PPM1A: variants seen among roughly 807,000 people sequenced by gnomAD.
PPM1A encodes the protein protein phosphatase, Mg2+/Mn2+ dependent 1A, also known as protein phosphatase 1A.
In PPM1A, 7 loss-of-function variants were observed where a neutral mutation model predicts 35.0. That is an observed-to-expected ratio of 0.20 (90% CI 0.11 to 0.38). PPM1A has a LOEUF of 0.38. PPM1A is among the 10% of genes least tolerant of loss of function. PPM1A has a pLI of 1.00. For missense variants in PPM1A, 239 were observed against 467.8 expected (o/e 0.51, Z 4.51); for synonymous variants, 153 against 167.3 (o/e 0.91, Z 0.66).
chr14:60,247,866 G>A (rs1212636744), upstream of PPM1A, among the ~76,000 whole-genome samples: 1 of 152,066 alleles, frequency 6.6e-6, no homozygotes, highest in Non-Finnish European at 1.5e-5. Flanking sequence ...AAAATAGAGA[G>A]GCCTTCAACA....
rs891877606 is a variant in PPM1A at position 60,293,424 on chromosome 14, G to A, written c.*942G>A. 4 of 151,924 alleles carry A rather than the reference G, an allele frequency of 2.6e-5. No individual in the cohort carries two copies. Among genetic ancestry groups the A allele is most frequent in the African/African-American group, 7.2e-5 (3 of 41,390 alleles). 9.4% of individuals were successfully genotyped at this position (151,924 alleles called of 1,614,324 possible). On this transcript the variant is annotated 3_prime_UTR_variant, in exon 6 of 6. Coordinates refer to ENST00000395076, the MANE Select transcript of PPM1A (RefSeq NM_021003.5). This position sits in a 1 kb window ranked among gnomAD's most constrained non-coding sequence, Gnocchi z 4.0. ...AAACACTGTGCCGTTGTAATGAGAC[G>A]TTTCTCATAGGGAAAGATGTTAGTC... is the stretch of plus-strand genomic sequence containing the variant.
chr14:60,259,644 C>T (rs1347919295), intron 1 of PPM1A, among the ~76,000 whole-genome samples: 1 of 151,996 alleles, frequency 6.6e-6, no homozygotes, highest in Non-Finnish European at 1.5e-5. Context: ...ACTGATAAAT[C>T]TGAATTAGTT....
chr14:60,281,936 A>G (rs981683218), intron 1 of PPM1A, among the ~76,000 whole-genome samples: 2 of 152,224 alleles, frequency 1.3e-5, no homozygotes, highest in Non-Finnish European at 2.9e-5. Context: ...TATACAGTAC[A>G]CTTCGTTATG....
intron 1 of PPM1A, among the ~76,000 whole-genome samples, chr14:60,280,334 G>A (rs1886259747): frequency 6.6e-6 from 1 of 152,108 alleles, no homozygotes; most frequent in Admixed American, 6.5e-5. Flanking sequence ...AGGAACAGAT[G>A]GAGAAAGAGA....
intron 1 of PPM1A, among the ~76,000 whole-genome samples, chr14:60,279,519 A>C (rs982467090): frequency 7.2e-5 from 11 of 152,194 alleles, no homozygotes; most frequent in African/African-American, 2.4e-4. Context: ...CATTATTTTT[A>C]AAACGTTGTT....
rs1886484701 is a variant in PPM1A at position 60,282,268 on chromosome 14, A to G, written c.-20-416A>G. ...AAGCTTGAAAATTCCTGAATGTTCA[A>G]CCAAGATATATTTGAGTTAGTAGAT... On this transcript the variant is annotated intron_variant, in intron 1 of 5. Coordinates refer to ENST00000395076, the MANE Select transcript of PPM1A (RefSeq NM_021003.5). This position sits in a 1 kb window ranked among gnomAD's most constrained non-coding sequence, Gnocchi z 5.1. 9.3e-6 allele frequency among the ~76,000 whole-genome samples: 1 copy of G among 107,400 alleles called. No homozygotes were observed. Among genetic ancestry groups the G allele is most frequent in the African/African-American group, 9.2e-5 (1 of 10,868 alleles). The allele number at this position is 107,400 out of a possible 152,430, so 70.5% of individuals were successfully genotyped here.
intron 2 of PPM1A, among the ~76,000 whole-genome samples, chr14:60,284,189 C>T (rs1210297331): frequency 6.6e-6 from 1 of 152,166 alleles, no homozygotes; most frequent in Non-Finnish European, 1.5e-5. Flanking sequence ...AGCTCAGCCC[C>T]TTTATTTTAC....
chr14:60,259,940 G>A (rs1883557996), intron 1 of PPM1A, among the ~76,000 whole-genome samples: 1 of 151,990 alleles, frequency 6.6e-6, no homozygotes, highest in South Asian at 2.1e-4. Context: ...TCAGATCACA[G>A]CACAACTAGA....
Position 60,249,714 on chromosome 14 carries a change from G to T in PPM1A, c.-21+37G>T. 1.0e-6 allele frequency: 1 copy of T among 982,168 alleles called. No homozygotes were observed. Among genetic ancestry groups the T allele is most frequent in the Non-Finnish European group, 1.2e-6 (1 of 827,948 alleles). The allele number at this position is 982,168 out of a possible 1,614,324, so 60.8% of individuals were successfully genotyped here. ...GCTCGGGCCGACGGCGGGCTGGCGG[G>T]CGGTGCGGGCCTGCGCGGCGGCGGC... On this transcript the variant is annotated intron_variant, in intron 1 of 5. Coordinates refer to ENST00000395076, the MANE Select transcript of PPM1A (RefSeq NM_021003.5). This position sits in a 1 kb window ranked among gnomAD's most constrained non-coding sequence, Gnocchi z 4.5.
intron 1 of PPM1A, among the ~76,000 whole-genome samples, chr14:60,277,931 C>T (rs919487029): frequency 6.6e-5 from 10 of 152,174 alleles, no homozygotes; most frequent in African/African-American, 2.4e-4. Context: ...GCTCCCTCAT[C>T]CTAGTTAAGG....
At position 60,296,807 on chromosome 14, in the gene PPM1A, A is replaced by C. The variant is rs370468127; in HGVS notation, c.*4325A>C. The C allele has an allele frequency of 9.2e-6, 3 of 326,152 alleles. No homozygotes were observed. The highest frequency in any genetic ancestry group is 2.1e-5 in the African/African-American group (1 of 47,278). The allele number at this position is 326,152 out of a possible 1,614,324, so 20.2% of individuals were successfully genotyped here. ...TACTGATAGTCAAAATGCTCAATAG[A>C]AATGATGAGAGGCATTGGTTCCAAT... On this transcript the variant is annotated 3_prime_UTR_variant, in exon 6 of 6. Coordinates refer to ENST00000395076, the MANE Select transcript of PPM1A (RefSeq NM_021003.5). This position sits in a 1 kb window ranked among gnomAD's most constrained non-coding sequence, Gnocchi z 4.4.
intron 1 of PPM1A, among the ~76,000 whole-genome samples, chr14:60,257,734 T>G (rs1226369686): frequency 1.3e-5 from 2 of 152,178 alleles, no homozygotes; most frequent in African/African-American, 4.8e-5. Context: ...GTACTGTGTG[T>G]ATAAAGATGA....
chr14:60,250,164 A>T (rs1882212074), intron 1 of PPM1A, among the ~76,000 whole-genome samples: 1 of 152,072 alleles, frequency 6.6e-6, no homozygotes, highest in African/African-American at 2.4e-5. Flanking sequence ...GAAAAACCTA[A>T]TTCTGTAGAA....
chr14:60,281,396 A>G (rs1248184510), intron 1 of PPM1A, among the ~76,000 whole-genome samples: 1 of 152,154 alleles, frequency 6.6e-6, no homozygotes, highest in Non-Finnish European at 1.5e-5. Flanking sequence ...GGGGAAAACA[A>G]ATGTTTTTCT....
At chr14:60,276,970 A>C (rs1220058184) in intron 1 of PPM1A, 15 of 940,148 alleles carry the variant, frequency 1.6e-5, no homozygotes, top group Non-Finnish European at 2.0e-5. Context: ...TTCTGATTAT[A>C]TCAAATATTA....
intron 1 of PPM1A, among the ~76,000 whole-genome samples, chr14:60,265,392 C>T (rs542281120): frequency 5.0e-4 from 76 of 152,304 alleles, no homozygotes; most frequent in Non-Finnish European, 6.6e-4. Flanking sequence ...CTGTTACTAT[C>T]CCTACAGGAT....
At chr14:60,277,029 C>T (rs1404808853) in intron 1 of PPM1A, 1 of 1,191,032 alleles carries the variant, frequency 8.4e-7, no homozygotes, top group South Asian at 1.6e-5. Context: ...AAGTTCAGAT[C>T]AACTGATAAT....
At chr14:60,261,670 A>C (rs1026098583) in intron 1 of PPM1A, among the ~76,000 whole-genome samples, 1 of 152,190 alleles carries the variant, frequency 6.6e-6, no homozygotes, top group Non-Finnish European at 1.5e-5. Flanking sequence ...GAAGAATCCT[A>C]TTTTGGGTGC....
chr14:60,288,096 A>C (rs1887227601), intron 3 of PPM1A: 3 of 982,638 alleles, frequency 3.1e-6, no homozygotes, highest in South Asian at 4.7e-5. Flanking sequence ...AGACAGAAGC[A>C]AGGCTAGTAT....
Sources: allele counts gnomAD v4.1 joint callset (sites outside exome capture counted in the v4.1 genomes callset), GRCh38; gene constraint gnomAD v4.1.1; non-coding constraint Gnocchi (gnomAD v3.1); transcripts MANE v1.5; gene names NCBI Gene and HGNC (gene_info 2026-07-23, HGNC 2026-07-21).